The following PIWIL4 variants were observed in gnomAD, a reference collection of about 807,000 sequenced individuals.
The protein encoded by PIWIL4 is piwi-like protein 4.
PIWIL4 carries 50 observed loss-of-function variants against 100.9 expected under a neutral mutation model. The ratio of observed to expected loss-of-function variants is 0.50; its 90% confidence interval spans 0.39 to 0.63. The LOEUF (loss-of-function observed/expected upper bound fraction) is 0.63, where lower values mean the gene tolerates loss of function less well. Among genes scored for constraint, PIWIL4 ranks in the 20% least tolerant of loss-of-function variants. The probability of loss-of-function intolerance (pLI) is 0.00; values close to 1 mark genes in which losing one functional copy is unlikely to be tolerated. For synonymous variants in PIWIL4, 342 were observed against 367.5 expected, an observed-to-expected ratio of 0.93 and a Z score of 0.79; for missense variants, 887 against 1,043.3, an observed-to-expected ratio of 0.85 and a Z score of 2.06.
intron 8 of PIWIL4, among the ~76,000 whole-genome samples, chr11:94,591,912 C>T (rs1948491376): frequency 1.3e-5 from 2 of 152,258 alleles, no homozygotes; most frequent in South Asian, 2.1e-4. Flanking sequence ...GAGAGGGTCA[C>T]ATTTACCTTG....
chr11:94,607,538 C>G lies in PIWIL4; in HGVS notation c.1738C>G (p.Arg580Gly). The change falls in exon 14 of 20, where the codon CGG (arginine) becomes GGG (glycine). Residue 580 changes from arginine (R) to glycine (G), a missense_variant. Arg to Gly is a moderately radical substitution (Grantham distance 125). Around this residue, in one of 2 missense-constraint regions of PIWIL4, gnomAD observed 741 missense variants for 930.0 expected, o/e 0.80. Coordinates refer to ENST00000299001, the MANE Select transcript of PIWIL4 (RefSeq NM_152431.3). ...AGTCCCAAGCCAATGTGTGCTTGCT[C>G]GGACCTTGAATAAACAGGGCATGAT... ...CPVPSQCVLA[R>G]TLNKQGMMMS... is the part of the protein sequence containing the mutation. The G allele has an allele frequency of 6.2e-7, 1 of 1,614,020 alleles. No individual in the cohort carries two copies. The highest frequency in any genetic ancestry group is 1.1e-5 in the South Asian group (1 of 91,060).
At chr11:94,591,459 T>G (rs1342040944) in intron 8 of PIWIL4, among the ~76,000 whole-genome samples, 1 of 152,240 alleles carries the variant, frequency 6.6e-6, no homozygotes, top group Non-Finnish European at 1.5e-5. Flanking sequence ...CACGTATTCC[T>G]TGGAGAGCAA....
In PIWIL4 at chr11:94,595,284, C is replaced by T. The variant is rs548009612; in HGVS notation, c.1151-25C>T. 1.9e-6 allele frequency: 3 copies of T among 1,598,710 alleles called. No homozygotes were observed. The African/African-American group carries it at 4.0e-5, about 21-fold the overall frequency. ...TGAGTTGCTTATGTTCATTTTCTCACTTTGTCTTCATTTGCATTTAATAGG... is the reference window on the plus strand; with the variant it reads ...TGAGTTGCTTATGTTCATTTTCTCATTTTGTCTTCATTTGCATTTAATAGG... On this transcript the variant is annotated intron_variant, in intron 9 of 19. Transcript: ENST00000299001.
At chr11:94,599,075 AT>A (rs994761605) in intron 11 of PIWIL4, among the ~76,000 whole-genome samples, 2 of 152,184 alleles carry the variant, frequency 1.3e-5, no homozygotes, top group African/African-American at 4.8e-5. Flanking sequence ...AGGAAGTACT[AT>A]TTTTCAACAC....
At position 94,610,167 on chromosome 11, in the gene PIWIL4, G is replaced by A. The variant is rs535424153; in HGVS notation, c.1943+1481G>A. ...GCTTATTTTACTTAATATAATGTCC[G>A]TGGGTTCATTCATGTTGTTGCAAAT... On this transcript the variant is annotated intron_variant, in intron 15 of 19. Coordinates refer to ENST00000299001, the MANE Select transcript of PIWIL4 (RefSeq NM_152431.3). 7.2e-5 allele frequency among the ~76,000 whole-genome samples: 11 copies of A among 152,008 alleles called. 1 individual carries two copies. Among genetic ancestry groups the A allele is most frequent in the South Asian group, 4.1e-4 (2 of 4,822 alleles).
intron 4 of PIWIL4, among the ~76,000 whole-genome samples, chr11:94,580,873 T>A (rs1948301800): frequency 6.7e-6 from 1 of 148,760 alleles, no homozygotes; most frequent in African/African-American, 2.5e-5. Context: ...CATGTGTTGA[T>A]CACTTACTCT....
At chr11:94,599,115 A>C (rs1213967952) in intron 11 of PIWIL4, among the ~76,000 whole-genome samples, 1 of 152,256 alleles carries the variant, frequency 6.6e-6, no homozygotes, top group Non-Finnish European at 1.5e-5. Context: ...ATGGTAAAGT[A>C]CTAAAATGTA....
At position 94,587,456 on chromosome 11, in the gene PIWIL4, G is replaced by A. The variant is rs981727232; in HGVS notation, c.914+209G>A. 3.9e-5 allele frequency among the ~76,000 whole-genome samples: 6 copies of A among 152,124 alleles called. No individual in the cohort carries two copies. The South Asian group carries it at 1.0e-3, about 26-fold the overall frequency. ...CCACAAGCTCCAAATTCTCGCTTGC[G>A]GTACCCTCCTTTCCCCTAATGCCAC... On this transcript the variant is annotated intron_variant, in intron 7 of 19. Coordinates refer to ENST00000299001, the MANE Select transcript of PIWIL4 (RefSeq NM_152431.3).
At position 94,619,996 on chromosome 11, in the gene PIWIL4, G is replaced by A. The variant is rs749457851; in HGVS notation, c.2295-1G>A. 3 of 1,613,964 alleles carry A rather than the reference G, an allele frequency of 1.9e-6. No individual in the cohort carries two copies. The African/African-American group carries it at 4.0e-5, about 22-fold the overall frequency. ...TACATTCATTCCATTTTCCCCCTCAGGTATGACTTTTATCTGATCAGCCAG... is the reference window on the plus strand; with the variant it reads ...TACATTCATTCCATTTTCCCCCTCAAGTATGACTTTTATCTGATCAGCCAG... On this transcript the variant is annotated splice_acceptor_variant, in intron 18 of 19. Coordinates refer to ENST00000299001, the MANE Select transcript of PIWIL4 (RefSeq NM_152431.3). LOFTEE classifies it high-confidence loss of function.
intron 4 of PIWIL4, among the ~76,000 whole-genome samples, chr11:94,580,245 C>T (rs1248572898): frequency 6.6e-6 from 1 of 152,128 alleles, no homozygotes; most frequent in Non-Finnish European, 1.5e-5. Context: ...ACCTGTCACC[C>T]AGTTACAGTG....
intron 15 of PIWIL4, among the ~76,000 whole-genome samples, chr11:94,610,220 ATT>A (rs1436322212): frequency 8.4e-6 from 1 of 119,544 alleles, no homozygotes; most frequent in Non-Finnish European, 1.8e-5. Context: ...GCTGAATAAT[ATT>A]CTATTGTGTG....
At chr11:94,620,813 G>GA (rs891822580) in intron 19 of PIWIL4, 63 bp from the exon 20 acceptor site, 13 of 1,314,040 alleles carry the variant, frequency 9.9e-6, no homozygotes, top group Admixed American at 1.7e-5. Flanking sequence ...AGTAAAATCA[G>GA]AAAAAATCTC....
At chr11:94,573,998 C>T (rs963868315) in intron 2 of PIWIL4, among the ~76,000 whole-genome samples, 19 of 152,214 alleles carry the variant, frequency 1.2e-4, no homozygotes, top group African/African-American at 2.4e-4. Context: ...TTTGAAACCA[C>T]GAGCAATGGC....
At chr11:94,569,365 GT>G (rs201730286) in intron 2 of PIWIL4, among the ~76,000 whole-genome samples, 41,325 of 147,658 alleles carry the variant, frequency 0.28, 5,812 homozygotes, top group Non-Finnish European at 0.31. Flanking sequence ...ATTATCTTTT[GT>G]TTTTTTTTTT....
chr11:94,572,463 G>A (rs1256312420), intron 2 of PIWIL4, among the ~76,000 whole-genome samples: 1 of 152,176 alleles, frequency 6.6e-6, no homozygotes, highest in Non-Finnish European at 1.5e-5. Flanking sequence ...ATTAATTTTT[G>A]TGTGAGGCGT....
chr11:94,610,477 G>T (rs1025995673), intron 15 of PIWIL4, among the ~76,000 whole-genome samples: 4 of 151,954 alleles, frequency 2.6e-5, no homozygotes, highest in Admixed American at 2.6e-4. Context: ...ATGTATAAAG[G>T]TTCCCATTTT....
chr11:94,620,225 TC>T, intron 19 of PIWIL4, 81 bp downstream of exon 19: 3 of 1,389,892 alleles, frequency 2.2e-6, no homozygotes. Context: ...CATCTTTGTA[TC>T]CCTAGATATA....
Position 94,607,553 on chromosome 11 carries a change from C to T in PIWIL4, c.1753C>T (p.Gln585Ter), listed in dbSNP as rs749367495. 4.3e-6 allele frequency: 7 copies of T among 1,614,092 alleles called. No homozygotes were observed. Among genetic ancestry groups the T allele is most frequent in the Non-Finnish European group, 5.1e-6 (6 of 1,180,006 alleles). The change falls in exon 14 of 20, where the codon CAG becomes TAG. Residue 585 changes from glutamine to a stop codon, truncating the protein, a stop_gained. Coordinates refer to ENST00000299001, the MANE Select transcript of PIWIL4 (RefSeq NM_152431.3). LOFTEE classifies it high-confidence loss of function. The part of the protein sequence containing the change: ...QCVLARTLNK[Q>*]GMMMSIATKI... ...TGTGCTTGCTCGGACCTTGAATAAA[C>T]AGGGCATGATGATGAGTATCGCCAC... is the stretch of plus-strand genomic sequence containing the variant.
At chr11:94,577,245 A>G in intron 3 of PIWIL4, 33 bp from the exon 4 acceptor site, 1 of 1,496,328 alleles carries the variant, frequency 6.7e-7, no homozygotes, top group Non-Finnish European at 9.3e-7. Flanking sequence ...TGATTTCCTG[A>G]TTAAAAAATT....
Sources: gnomAD v4.1 joint callset for allele counts (sites outside exome capture counted in the v4.1 genomes callset) on GRCh38, gnomAD v4.1.1 for gene constraint, gnomAD v4.1.1 regional missense constraint, MANE v1.5 for transcripts, NCBI Gene and HGNC (gene_info 2026-07-23, HGNC 2026-07-21) for gene names.